MLLT10: variants seen among roughly 807,000 people sequenced by gnomAD.
MLLT10 encodes MLLT10 histone lysine methyltransferase DOT1L cofactor, also known as protein AF-10.
MLLT10 carries 30 observed loss-of-function variants against 129.1 expected under a neutral mutation model. The ratio of observed to expected loss-of-function variants is 0.23; its 90% CI spans 0.17 to 0.32. The LOEUF (loss-of-function observed/expected upper bound fraction) is 0.32. MLLT10 is among the 10% of genes least tolerant of loss of function. The probability of loss-of-function intolerance (pLI) is 1.00; values close to 1 mark genes in which losing one functional copy is unlikely to be tolerated. For synonymous variants in MLLT10, 490 were observed against 446.4 expected, an observed-to-expected ratio of 1.10 and a Z score of -1.23; for missense variants, 1,119 against 1,268.3, an observed-to-expected ratio of 0.88 and a Z score of 1.79.
At chr10:21,615,685 A>G (rs2045183476) in intron 7 of MLLT10, among the ~76,000 whole-genome samples, 1 of 151,854 alleles carries the variant, frequency 6.6e-6, no homozygotes, top group African/African-American at 2.4e-5. Flanking sequence ...ATTTACTGGG[A>G]AATAGTAAAA....
chr10:21,614,778 A>G, intron 6 of MLLT10, 53 bp from the exon 7 acceptor site: 3 of 1,403,910 alleles, frequency 2.1e-6, no homozygotes, highest in South Asian at 2.5e-5. Flanking sequence ...GCTTATATAT[A>G]CAGGTACTGT....
At chr10:21,631,017 T>C (rs892666768) in intron 8 of MLLT10, among the ~76,000 whole-genome samples, 16 of 152,000 alleles carry the variant, frequency 1.1e-4, no homozygotes, top group African/African-American at 3.9e-4. Context: ...AAGAGTTGCC[T>C]AAAGAAAAGT....
Position 21,727,870 on chromosome 10 carries a change from G to A in MLLT10, c.2005G>A (p.Asp669Asn). The A allele has an allele frequency of 6.2e-7, 1 of 1,613,994 alleles. No homozygotes were observed. ...ENNQTDQDLGDNSRNLVGRGS... is the reference protein window; with the variant it reads ...ENNQTDQDLGNNSRNLVGRGS... ...TTACACTACAGATCAAGATCTTGGA[G>A]ACAATAGCCGCAACCTAGTTGGCAG... is the stretch of plus-strand genomic sequence containing the variant. The change falls in exon 16 of 23, where the codon GAC becomes AAC. Residue 669 changes from aspartate to asparagine, a missense_variant. This residue lies in a region of MLLT10 where 1,004 missense variants were observed against 1,008.7 expected (regional missense o/e 1.00). Coordinates refer to ENST00000307729, the MANE Select transcript of MLLT10 (RefSeq NM_001195626.3).
At chr10:21,557,000 G>C (rs1310971020) in intron 3 of MLLT10, 1 of 1,480,890 alleles carries the variant, frequency 6.8e-7, no homozygotes, top group African/African-American at 1.4e-5. Flanking sequence ...TTTCTTACAG[G>C]GTTTTGTTTT....
chr10:21,734,066 C>G lies in MLLT10; in HGVS notation c.2795C>G (p.Pro932Arg), dbSNP rs1329929246. Residue 932 changes from proline (P) to arginine (R), a missense_variant, in exon 20 of 23, where the codon CCT becomes CGT. This residue lies in a region of MLLT10 where 1,004 missense variants were observed against 1,008.7 expected (regional missense o/e 1.00). Transcript: ENST00000307729. ...GTCACAATGTCCCAGAACCCTACCC[C>G]TCTCACCCACACAACCGTACCACCT... ...TPVTMSQNPTPLTHTTVPPNA... is the reference protein window; with the variant it reads ...TPVTMSQNPTRLTHTTVPPNA... 1.2e-6 allele frequency: 2 copies of G among 1,614,118 alleles called. No homozygotes were observed. The highest frequency in any genetic ancestry group is 2.2e-5 in the South Asian group (2 of 91,068).
chr10:21,558,840 C>T (rs1245240898), intron 3 of MLLT10, among the ~76,000 whole-genome samples: 1 of 151,654 alleles, frequency 6.6e-6, no homozygotes, highest in African/African-American at 2.4e-5. Flanking sequence ...TTTTATGTGC[C>T]TTTGTGCGAG....
At chr10:21,741,554 G>A (rs565362727) in intron 22 of MLLT10, among the ~76,000 whole-genome samples, 51 of 152,144 alleles carry the variant, frequency 3.4e-4, no homozygotes, top group Admixed American at 1.2e-3. Flanking sequence ...AAAAGGAAAC[G>A]CAAAGAAAGC....
At chr10:21,586,599 T>A (rs370813930) in intron 4 of MLLT10, among the ~76,000 whole-genome samples, 1 of 152,128 alleles carries the variant, frequency 6.6e-6, no homozygotes, top group African/African-American at 2.4e-5. Context: ...TAAATTCTTA[T>A]GTTTTTGGCT....
intron 14 of MLLT10, among the ~76,000 whole-genome samples, chr10:21,725,656 G>C (rs1327142411): frequency 6.6e-6 from 1 of 150,612 alleles, no homozygotes; most frequent in African/African-American, 2.4e-5. Context: ...TAGAGGCGGA[G>C]GTTGCAGTGA....
At chr10:21,739,885 G>A in intron 21 of MLLT10, 145 bp from the exon 22 acceptor site, 2 of 666,186 alleles carry the variant, frequency 3.0e-6, no homozygotes, top group Non-Finnish European at 5.1e-6. Context: ...TTATTATCTA[G>A]TGCAGCATAT....
chr10:21,534,141 G>A, upstream of MLLT10: 1 of 355,418 alleles, frequency 2.8e-6, no homozygotes, highest in East Asian at 4.1e-5. Context: ...GGCCCCGGAG[G>A]TAGGCCGGGG....
intron 3 of MLLT10, among the ~76,000 whole-genome samples, chr10:21,580,545 C>T (rs368806656): frequency 5.3e-5 from 8 of 152,102 alleles, no homozygotes; most frequent in Middle Eastern, 3.4e-3. Context: ...CCCGCCACCA[C>T]GCCTGGCTAA....
rs899266968 is a variant in MLLT10, at chr10:21,628,426, T to G, written c.699+11219T>G. 5.4e-5 allele frequency among the ~76,000 whole-genome samples: 8 copies of G among 147,472 alleles called. No individual in the cohort carries two copies. The South Asian group carries it at 6.4e-4, about 12-fold the overall frequency. On this transcript the variant is annotated intron_variant, in intron 8 of 22. Transcript: ENST00000307729. ...AGGCCAGACTAAAGCTGAAGGATGCTCTCTCTTTTTTTTTTTTTTTTTTTT... is the reference window on the plus strand; with the variant it reads ...AGGCCAGACTAAAGCTGAAGGATGCGCTCTCTTTTTTTTTTTTTTTTTTTT...
At chr10:21,578,182 A>G (rs1392072045) in intron 3 of MLLT10, among the ~76,000 whole-genome samples, 1 of 152,248 alleles carries the variant, frequency 6.6e-6, no homozygotes, top group African/African-American at 2.4e-5. Context: ...GGCGTGAGCC[A>G]CTGCACCTGG....
intron 13 of MLLT10, among the ~76,000 whole-genome samples, chr10:21,690,561 C>T (rs1013085201): frequency 6.6e-6 from 1 of 151,720 alleles, no homozygotes; most frequent in Non-Finnish European, 1.5e-5. Flanking sequence ...AAATATGCAA[C>T]GGTTATGCAT....
intron 8 of MLLT10, chr10:21,626,213 A>G: frequency 1.9e-6 from 3 of 1,596,782 alleles, no homozygotes; most frequent in Non-Finnish European, 1.7e-6. Flanking sequence ...TAGTACAGAC[A>G]GAGCTCCTTC....
chr10:21,571,872 T>A (rs1773875244), intron 3 of MLLT10: 1 of 152,234 alleles, frequency 6.6e-6, no homozygotes, highest in South Asian at 2.1e-4. Flanking sequence ...GTAAATACTT[T>A]CCCCAAGTCT....
intron 21 of MLLT10, among the ~76,000 whole-genome samples, chr10:21,737,233 T>G (rs1215403205): frequency 6.6e-6 from 1 of 152,014 alleles, no homozygotes; most frequent in Non-Finnish European, 1.5e-5. Flanking sequence ...TTTTTACAGT[T>G]TGGGTGTGAT....
chr10:21,611,925 C>T (rs2044696335), intron 5 of MLLT10, among the ~76,000 whole-genome samples: 1 of 151,884 alleles, frequency 6.6e-6, no homozygotes, highest in Non-Finnish European at 1.5e-5. Context: ...TCCCAATACC[C>T]TGTTTCAAAC....
Sources: gnomAD v4.1 joint callset for allele counts (sites outside exome capture counted in the v4.1 genomes callset) on GRCh38, gnomAD v4.1.1 for gene constraint, gnomAD v4.1.1 regional missense constraint, MANE v1.5 for transcripts, NCBI Gene and HGNC (gene_info 2026-07-23, HGNC 2026-07-21) for gene names.